TSPOAP1: variants seen among roughly 807,000 people sequenced by gnomAD.
TSPOAP1 encodes TSPO associated protein 1, also known as peripheral-type benzodiazepine receptor-associated protein 1.
In TSPOAP1, 87 loss-of-function variants were observed where a neutral mutation model predicts 197.0. The observed-to-expected ratio is 0.44, with a 90% confidence interval of 0.37 to 0.53. The LOEUF (loss-of-function observed/expected upper bound fraction) is 0.53, where lower values mean the gene tolerates loss of function less well. TSPOAP1 is among the 20% of genes least tolerant of loss of function. The pLI is 0.00. For missense variants in TSPOAP1, 2,174 were observed against 2,411.3 expected (o/e 0.90, Z 2.06); for synonymous variants, 913 against 998.9 (o/e 0.91, Z 1.62).
rs764910721 is a variant in TSPOAP1 at position 58,327,778 on chromosome 17, G to A, written c.143C>T (p.Ala48Val). ...CCTCAGTTCTTGAAGCTGCAGAGCT[G>A]CCGGAGGAGTATCAGCGATGCTTGG... ...AAPSIADTPP[A>V]ALQLQELRSE... Residue 48 changes from alanine to valine, a missense_variant, in exon 1 of 32, where the codon GCA becomes GTA. Around this residue, in one of 5 missense-constraint regions of TSPOAP1, gnomAD observed 1,933 missense variants for 2,139.0 expected, o/e 0.90. Coordinates refer to ENST00000343736, the MANE Select transcript of TSPOAP1 (RefSeq NM_004758.4). 3.7e-6 allele frequency: 6 copies of A among 1,614,204 alleles called. No individual in the cohort carries two copies. The highest frequency in any genetic ancestry group is 4.2e-6 in the Non-Finnish European group (5 of 1,180,034).
chr17:58,305,328 C>G, intron 29 of TSPOAP1, 59 bp downstream of exon 29: 1 of 1,591,526 alleles, frequency 6.3e-7, no homozygotes. Context: ...CTTGCCTATC[C>G]CCCTGTCCGA....
rs377373749 is a variant in TSPOAP1, at chr17:58,312,451, G to C, written c.2370C>G (p.Ala790=). The change falls in exon 17 of 32, where the codon GCC becomes GCG. Residue 790 remains alanine, a synonymous_variant. Coordinates refer to ENST00000343736, the MANE Select transcript of TSPOAP1 (RefSeq NM_004758.4). The part of the protein sequence containing the change: ...PSPEGLGEPP[A]VPYPRRLVVL... ...CCACCAGACGGCGGGGGTAAGGCAC[G>C]GCAGGAGGCTCGCCCAGGCCCTCCG... is the stretch of plus-strand genomic sequence containing the variant. 1.9e-6 allele frequency: 3 copies of C among 1,612,448 alleles called. No individual in the cohort carries two copies. The highest frequency in any genetic ancestry group is 1.7e-4 in the Middle Eastern group (1 of 6,050).
Position 58,320,127 on chromosome 17 carries a change from A to C in TSPOAP1, c.1476T>G (p.Ser492=), listed in dbSNP as rs751241691. Residue 492 remains serine (S), a splice_region_variant and synonymous_variant, in exon 12 of 32, where the codon TCT becomes TCG. Transcript: ENST00000343736. ...EHEGAVQLLE[S]TLDSMQARVR... Reference sequence around the variant, plus strand: ...GCGCTACCTGCATGGAATCCAAGGTAGACTGTTGCAGGAAAGGAAGCAGAG... The same window carrying C: ...GCGCTACCTGCATGGAATCCAAGGTCGACTGTTGCAGGAAAGGAAGCAGAG... The C allele has an allele frequency of 3.7e-6, 6 of 1,614,140 alleles. No individual in the cohort carries two copies. Among genetic ancestry groups the C allele is most frequent in the Non-Finnish European group, 5.1e-6 (6 of 1,180,004 alleles).
intron 12 of TSPOAP1, 99 bp downstream of exon 12, chr17:58,320,010 C>G (rs551924693): frequency 6.2e-5 from 93 of 1,491,582 alleles, no homozygotes; most frequent in Non-Finnish European, 8.1e-5. Flanking sequence ...GTGACACCCC[C>G]TCTGCTGGAT....
At chr17:58,316,590 C>G (rs766553289) in intron 14 of TSPOAP1, 50 bp from the exon 15 acceptor site, 1 of 1,485,384 alleles carries the variant, frequency 6.7e-7, no homozygotes, top group Non-Finnish European at 9.2e-7. Context: ...TGGGGCCAAG[C>G]GCCAAGCAGG....
At chr17:58,305,717 C>T in intron 27 of TSPOAP1, 74 bp from the exon 28 acceptor site, 1 of 1,444,076 alleles carries the variant, frequency 6.9e-7, no homozygotes. Context: ...TGCCCCGGAC[C>T]CCTGCTGACC....
Position 58,311,992 on chromosome 17 carries a change from G to A in TSPOAP1, c.2829C>T (p.Ala943=). 6.2e-7 allele frequency: 1 copy of A among 1,612,740 alleles called. No homozygotes were observed. The highest frequency in any genetic ancestry group is 2.2e-5 in the East Asian group (1 of 44,868). ...GGGGTGGGAGCTGAGCCTCCACTTG[G>A]GCCTGATAGGGTGTGCCAGGCCGTA... ...CHLRPGTPYQ[A]QVEAQLPPQG... is the part of the protein sequence containing the mutation. Residue 943 remains alanine (A), a synonymous_variant, in exon 17 of 32, where the codon GCC becomes GCT. Transcript: ENST00000343736.
In TSPOAP1 at chr17:58,301,594, T is replaced by C. The variant is rs1970724385; in HGVS notation, c.*886A>G. The C allele has an allele frequency of 6.6e-6, 1 of 152,458 alleles. No individual in the cohort carries two copies. Among genetic ancestry groups the C allele is most frequent in the South Asian group, 2.1e-4 (1 of 4,816 alleles). 9.4% of individuals were successfully genotyped at this position (152,458 alleles called of 1,614,324 possible). On this transcript the variant is annotated 3_prime_UTR_variant, in exon 32 of 32. Transcript: ENST00000343736. ...GCTTTCGGCCCCGCTGGCCCCAGGG[T>C]CTTTGGGGGCGGGACCTTACAGGGG...
rs1220597362 is a variant in TSPOAP1 at position 58,304,647 on chromosome 17, G to A, written c.5545-248C>T. 4 of 581,858 alleles carry A rather than the reference G, an allele frequency of 6.9e-6. No individual in the cohort carries two copies. The highest frequency in any genetic ancestry group is 9.2e-6 in the Non-Finnish European group (3 of 324,994). The allele number at this position is 581,858 out of a possible 1,614,324, so 36.0% of individuals were successfully genotyped here. A position where few individuals can be genotyped will look rare whatever the true frequency, so the allele number is the denominator to read the frequency against. Reference sequence around the variant, plus strand: ...GCAAGCTCAAGGAACGAGAACCCAGGAAGCTGGGCCTGGCTGGGCAACTGG... The same window carrying A: ...GCAAGCTCAAGGAACGAGAACCCAGAAAGCTGGGCCTGGCTGGGCAACTGG... On this transcript the variant is annotated intron_variant, in intron 30 of 31. Transcript: ENST00000343736. The surrounding 1 kb of genome is among the most constrained non-coding windows in gnomAD (Gnocchi z 4.2).
intron 26 of TSPOAP1, 74 bp from the exon 27 acceptor site, chr17:58,305,939 G>A: frequency 1.5e-6 from 2 of 1,352,056 alleles, no homozygotes; most frequent in Non-Finnish European, 2.0e-6. Flanking sequence ...GCGCAGGCCA[G>A]ACACTCGCCC....
In TSPOAP1 at chr17:58,311,717, G is replaced by A. The variant is rs1971082470; in HGVS notation, c.2935C>T (p.Pro979Ser). Residue 979 changes from proline to serine, a missense_variant, in exon 18 of 32, where the codon CCT (proline) becomes TCT (serine). Pro to Ser is a moderately conservative substitution (Grantham distance 74, BLOSUM62 -1). Around this residue, in one of 5 missense-constraint regions of TSPOAP1, gnomAD observed 1,933 missense variants for 2,139.0 expected, o/e 0.90. Transcript: ENST00000343736. The stretch of plus-strand genomic sequence containing the variant: ...ATCTGCACATCCAGAGGGGCATCAG[G>A]TGGGCCTGGGGGCAGGGGGGCACAA... Reference protein sequence around the residue: ...LQFTTLPAGPPDAPLDVQIEP... With the variant: ...LQFTTLPAGPSDAPLDVQIEP... The A allele has an allele frequency of 1.3e-6, 2 of 1,571,400 alleles. No individual in the cohort carries two copies. The highest frequency in any genetic ancestry group is 1.2e-5 in the South Asian group (1 of 85,502).
rs1014853094 is a variant in TSPOAP1 at position 58,325,002 on chromosome 17, C to T, written c.751G>A (p.Glu251Lys). ...CGCACGTGGAGCCACTGGGGACCCT[C>T]CTGAGGTTGGGGGACAGGGACAGGG... Reference protein sequence around the residue: ...LQARLTLVGKEGPQWLHVRDF... With the variant: ...LQARLTLVGKKGPQWLHVRDF... The change falls in exon 5 of 32, where the codon GAG (glutamate) becomes AAG (lysine). Residue 251 changes from glutamate to lysine, a missense_variant and splice_region_variant. By Grantham distance (56) the Glu-to-Lys change is moderately conservative (BLOSUM62 1). Around this residue, in one of 5 missense-constraint regions of TSPOAP1, gnomAD observed 1,933 missense variants for 2,139.0 expected, o/e 0.90. Coordinates refer to ENST00000343736, the MANE Select transcript of TSPOAP1 (RefSeq NM_004758.4). 1.3e-6 allele frequency: 2 copies of T among 1,527,338 alleles called. No individual in the cohort carries two copies. Among genetic ancestry groups the T allele is most frequent in the Non-Finnish European group, 1.8e-6 (2 of 1,136,638 alleles). The allele number at this position is 1,527,338 out of a possible 1,614,324, so 94.6% of individuals were successfully genotyped here. A position where few individuals can be genotyped will look rare whatever the true frequency, so the allele number is the denominator to read the frequency against.
Position 58,310,123 on chromosome 17 carries a change from CA to C in TSPOAP1, c.3734del (p.Val1245GlyfsTer155). The C allele has an allele frequency of 6.2e-7, 1 of 1,613,318 alleles. No individual in the cohort carries two copies. The highest frequency in any genetic ancestry group is 8.5e-7 in the Non-Finnish European group (1 of 1,180,014). ...EDTAELGVHL[V>X]NSLVDHGRNS... is the part of the protein sequence containing the mutation. ...TGCGGCCGTGGTCCACGAGGGAGTTCACCAGATGAACCCCAAGCTCTGCTGT... is the reference window on the plus strand; with the variant it reads ...TGCGGCCGTGGTCCACGAGGGAGTTCCCAGATGAACCCCAAGCTCTGCTGT... On this transcript the variant is annotated frameshift_variant, in exon 21 of 32. Coordinates refer to ENST00000343736, the MANE Select transcript of TSPOAP1 (RefSeq NM_004758.4). LOFTEE classifies it high-confidence loss of function.
chr17:58,306,793 G>T lies in TSPOAP1; in HGVS notation c.5152+7C>A. ...GGAGGTGGGTGAGGGACAGCAGCAG[G>T]TCATACCTGAGCCCTCAAGGAGAAT... On this transcript the variant is annotated splice_region_variant and intron_variant, in intron 25 of 31. Coordinates refer to ENST00000343736, the MANE Select transcript of TSPOAP1 (RefSeq NM_004758.4). 1 of 1,610,978 alleles carries T rather than the reference G, an allele frequency of 6.2e-7. No homozygotes were observed. Among genetic ancestry groups the T allele is most frequent in the Non-Finnish European group, 8.5e-7 (1 of 1,177,802 alleles).
chr17:58,326,966 A>G lies in TSPOAP1; in HGVS notation c.334-176T>C, dbSNP rs539555386. ...GGAGGCCTAGGAGAAGGAACTGTCC[A>G]GTCCTCCCTGTCCACATAGACACCC... On this transcript the variant is annotated intron_variant, in intron 1 of 31. Coordinates refer to ENST00000343736, the MANE Select transcript of TSPOAP1 (RefSeq NM_004758.4). This position sits in a 1 kb window ranked among gnomAD's most constrained non-coding sequence, Gnocchi z 4.7. Among the ~76,000 whole-genome samples the G allele has an allele frequency of 6.6e-6, 1 of 152,098 alleles. No individual in the cohort carries two copies. The highest frequency in any genetic ancestry group is 2.1e-4 in the South Asian group (1 of 4,828).
In TSPOAP1 at chr17:58,310,727, C is replaced by T. The variant is rs1481848736; in HGVS notation, c.3484G>A (p.Gly1162Ser). The change falls in exon 20 of 32, where the codon GGC (glycine) becomes AGC (serine). Residue 1162 changes from glycine to serine, a missense_variant. Transcript: ENST00000343736. ...SQEEAGAAVL[G>S]TSEERTASTS... ...CTGGCTGTCCTCTCCTCTGAGGTGC[C>T]CAGCACTGCTGCCCCAGCCTCCTCC... The T allele has an allele frequency of 6.2e-7, 1 of 1,612,814 alleles. No homozygotes were observed. The highest frequency in any genetic ancestry group is 8.5e-7 in the Non-Finnish European group (1 of 1,179,848).
In TSPOAP1 at chr17:58,323,559, G is replaced by A. The variant is rs555441378; in HGVS notation, c.943-14C>T. On this transcript the variant is annotated splice_polypyrimidine_tract_variant and intron_variant, in intron 5 of 31. Transcript: ENST00000343736. ...CTGGGGCGTGGCCTGGAAATGCCCA[G>A]GGGCAAGGGGCTGGCACCTGAGAAC... The A allele has an allele frequency of 1.2e-6, 2 of 1,612,392 alleles. No homozygotes were observed. The highest frequency in any genetic ancestry group is 1.7e-6 in the Non-Finnish European group (2 of 1,179,038).
chr17:58,324,931 C>T lies in TSPOAP1; in HGVS notation c.822G>A (p.Arg274=). 6.5e-7 allele frequency: 1 copy of T among 1,539,388 alleles called. No homozygotes were observed. The highest frequency in any genetic ancestry group is 8.7e-7 in the Non-Finnish European group (1 of 1,145,710). The part of the protein sequence containing the change: ...LLRESQREVL[R]LQRQIALRNQ... ...TGCGCAGCGCGATCTGCCTCTGCAG[C>T]CGCAGCACCTCCCGCTGGGACTCGC... Residue 274 remains arginine, a synonymous_variant, in exon 5 of 32, where the codon CGG becomes CGA. Transcript: ENST00000343736. This position sits in a 1 kb window ranked among gnomAD's most constrained non-coding sequence, Gnocchi z 5.8.
At chr17:58,308,078 C>T (rs1263061701) in intron 22 of TSPOAP1, 137 bp from the exon 23 acceptor site, 2 of 953,974 alleles carry the variant, frequency 2.1e-6, no homozygotes, top group East Asian at 5.3e-5. Context: ...AGCCTCGGCC[C>T]AGCCTGCTGG....
Sources: gnomAD v4.1 joint callset for allele counts (sites outside exome capture counted in the v4.1 genomes callset) on GRCh38, gnomAD v4.1.1 for gene constraint, gnomAD v4.1.1 regional missense constraint, Gnocchi (gnomAD v3.1) non-coding constraint, MANE v1.5 for transcripts, NCBI Gene and HGNC (gene_info 2026-07-23, HGNC 2026-07-21) for gene names.